Variants in SCN11A observed in about 807,000 individuals in gnomAD.
SCN11A encodes sodium channel protein type 11 subunit alpha.
In SCN11A, 122 loss-of-function variants were observed where a neutral mutation model predicts 162.2. The ratio of observed to expected loss-of-function variants is 0.75; its 90% CI spans 0.65 to 0.87. SCN11A has a LOEUF of 0.87. Ranked by LOEUF, SCN11A falls within the 40% of genes least tolerant of loss-of-function variation. SCN11A has a pLI of 0.00. For synonymous variants in SCN11A, 758 were observed against 751.5 expected (o/e 1.01, Z -0.14); for missense variants, 2,015 against 2,181.6 (o/e 0.92, Z 1.52).
At chr3:38,897,399 C>T (rs1044648876) in intron 17 of SCN11A, among the ~76,000 whole-genome samples, 174 bp from the exon 18 acceptor site, 2 of 152,322 alleles carry the variant, frequency 1.3e-5, no homozygotes, top group African/African-American at 4.8e-5. Context: ...CTAATGCTCA[C>T]CTGTATCTAC....
At chr3:38,904,204 G>A (rs748008560) in intron 15 of SCN11A, 101 bp from the exon 16 acceptor site, 5 of 674,092 alleles carry the variant, frequency 7.4e-6, no homozygotes, top group African/African-American at 1.8e-5. Flanking sequence ...AGGGCCTCCT[G>A]ATACATGATC....
chr3:38,952,135 G>A (rs1309979921), intron 4 of SCN11A, among the ~76,000 whole-genome samples: 2 of 152,116 alleles, frequency 1.3e-5, no homozygotes, highest in Non-Finnish European at 2.9e-5. Context: ...AACTCCAGAC[G>A]CACTGCCTTA....
chr3:38,950,447 G>A (rs2125577559), intron 4 of SCN11A, 78 bp from the exon 5 acceptor site: 4 of 1,434,376 alleles, frequency 2.8e-6, no homozygotes, highest in East Asian at 2.3e-5. Context: ...TAGGATTCCA[G>A]TCTTAAAGGA....
intron 1 of SCN11A, among the ~76,000 whole-genome samples, chr3:39,045,195 A>G: frequency 6.6e-6 from 1 of 152,310 alleles, no homozygotes; most frequent in South Asian, 2.1e-4. Flanking sequence ...CATGGCTTCA[A>G]TGCTGAGTTG....
intron 2 of SCN11A, among the ~76,000 whole-genome samples, chr3:38,991,294 G>C (rs1238188961): frequency 6.6e-6 from 1 of 152,124 alleles, no homozygotes; most frequent in Non-Finnish European, 1.5e-5. Flanking sequence ...CAGTCCTTGG[G>C]CAGCAACTGG....
intron 2 of SCN11A, among the ~76,000 whole-genome samples, chr3:38,995,748 T>G (rs72858004): frequency 0.014 from 2,129 of 151,264 alleles, 17 homozygotes; most frequent in Non-Finnish European, 0.018. Flanking sequence ...TGGCTGAATG[T>G]GGAACTTCTC....
At position 39,046,209 on chromosome 3, in the gene SCN11A, G is replaced by A. The variant is rs1216618844; in HGVS notation, c.-404+5652C>T. Among the ~76,000 whole-genome samples the A allele has an allele frequency of 8.7e-5, 13 of 149,144 alleles. No homozygotes were observed. In the South Asian group the frequency reaches 2.2e-3, roughly 25 times the overall value. ...TGGGAGGTGGAGGTTGCAGTGAGCC[G>A]AGATCAGGCCACTGCACTCCAGCCT... On this transcript the variant is annotated intron_variant, in intron 1 of 29. Transcript: ENST00000302328.
At position 38,847,042 on chromosome 3, in the gene SCN11A, A is replaced by T; in HGVS notation, c.5028T>A (p.Ser1676Arg). Reference sequence around the variant, plus strand: ...TATCCATGCAGTGGAGGCGATCTTCACTCACCATGGGCAAGTCCATTACTA... The same window carrying T: ...TATCCATGCAGTGGAGGCGATCTTCTCTCACCATGGGCAAGTCCATTACTA... ...QFLVMDLPMV[S>R]EDRLHCMDIL... The change falls in exon 30 of 30, where the codon AGT becomes AGA. Residue 1676 changes from serine (S) to arginine (R), a missense_variant. Physicochemically the swap from Ser to Arg is moderately radical, Grantham distance 110. Transcript: ENST00000302328. The T allele has an allele frequency of 6.2e-7, 1 of 1,613,818 alleles. No individual in the cohort carries two copies. The highest frequency in any genetic ancestry group is 8.5e-7 in the Non-Finnish European group (1 of 1,179,926).
intron 2 of SCN11A, among the ~76,000 whole-genome samples, chr3:38,966,381 A>G (rs1328665406): frequency 6.6e-6 from 1 of 152,202 alleles, no homozygotes; most frequent in African/African-American, 2.4e-5. Flanking sequence ...TCATTACAAA[A>G]CAAATAAATT....
At chr3:39,039,722 C>G (rs1389167498) in intron 1 of SCN11A, among the ~76,000 whole-genome samples, 2 of 152,174 alleles carry the variant, frequency 1.3e-5, no homozygotes, top group African/African-American at 4.8e-5. Flanking sequence ...CAACCCTATC[C>G]CCTCCAGTGA....
In SCN11A at chr3:38,946,781, A is replaced by G. The variant is rs1200827905; in HGVS notation, c.386+8T>C. 1.9e-6 allele frequency: 3 copies of G among 1,558,828 alleles called. No individual in the cohort carries two copies. The highest frequency in any genetic ancestry group is 2.6e-6 in the Non-Finnish European group (3 of 1,133,966). On this transcript the variant is annotated splice_region_variant and intron_variant, in intron 6 of 29. Transcript: ENST00000302328. Reference sequence around the variant, plus strand: ...CTGGACTTAGTAAAAGGTGCAATGAAAGGATATGAATGGACTGAGACTCTA... The same window carrying G: ...CTGGACTTAGTAAAAGGTGCAATGAGAGGATATGAATGGACTGAGACTCTA...
intron 2 of SCN11A, among the ~76,000 whole-genome samples, chr3:38,966,894 T>G (rs1026109971): frequency 1.3e-5 from 2 of 152,240 alleles, no homozygotes; most frequent in Non-Finnish European, 2.9e-5. Flanking sequence ...TGTGTTTTGG[T>G]TTGGGTTCCC....
At chr3:38,937,840 G>A (rs1240109562) in intron 7 of SCN11A, among the ~76,000 whole-genome samples, 1 of 152,214 alleles carries the variant, frequency 6.6e-6, no homozygotes, top group East Asian at 1.9e-4. Flanking sequence ...CGGGGACCTA[G>A]AACTAGAAAT....
chr3:38,944,596 C>G (rs11709207), intron 7 of SCN11A, among the ~76,000 whole-genome samples: 60,732 of 150,922 alleles, frequency 0.4, 12,860 homozygotes, highest in African/African-American at 0.55. Context: ...AAAGTGCTGG[C>G]ATTACAGGCA....
chr3:38,993,744 T>A (rs1277211756), intron 2 of SCN11A, among the ~76,000 whole-genome samples: 2 of 152,202 alleles, frequency 1.3e-5, no homozygotes, highest in African/African-American at 4.8e-5. Context: ...CTGTCCAATA[T>A]CCCACCTATC....
intron 7 of SCN11A, among the ~76,000 whole-genome samples, chr3:38,943,247 T>C (rs961216746): frequency 1.3e-5 from 2 of 152,228 alleles, no homozygotes; most frequent in Admixed American, 6.5e-5. Context: ...ATGAAATGTA[T>C]ACGAAATTCT....
chr3:38,934,819 C>T (rs1258170803), intron 7 of SCN11A, among the ~76,000 whole-genome samples: 3 of 151,940 alleles, frequency 2.0e-5, no homozygotes, highest in South Asian at 2.1e-4. Flanking sequence ...GACAGATCAA[C>T]GAGACAGAAA....
At chr3:38,984,936 G>A (rs2030180837) in intron 2 of SCN11A, among the ~76,000 whole-genome samples, 1 of 151,280 alleles carries the variant, frequency 6.6e-6, no homozygotes, top group African/African-American at 2.5e-5. Flanking sequence ...GGAGGCCAGT[G>A]TGACTAGAGT....
intron 7 of SCN11A, among the ~76,000 whole-genome samples, chr3:38,929,172 C>T (rs11129811): frequency 0.035 from 2,800 of 79,712 alleles, 53 homozygotes; most frequent in Middle Eastern, 0.051. Context: ...CACACACACA[C>T]ATGTTTGGGA....
Sources: gnomAD v4.1 joint callset for allele counts (sites outside exome capture counted in the v4.1 genomes callset) on GRCh38, gnomAD v4.1.1 for gene constraint, MANE v1.5 for transcripts, NCBI Gene and HGNC (gene_info 2026-07-23, HGNC 2026-07-21) for gene names.